The following KIAA1210 variants were observed in gnomAD, a reference collection of about 807,000 sequenced individuals.
The protein encoded by KIAA1210 is acrosomal protein KIAA1210.
A neutral mutation model predicts 78.9 loss-of-function variants in KIAA1210; 48 were observed. The ratio of observed to expected loss-of-function variants is 0.61; its 90% CI spans 0.48 to 0.77. The LOEUF (loss-of-function observed/expected upper bound fraction) is 0.77, where lower values mean the gene tolerates loss of function less well. Ranked by LOEUF, KIAA1210 falls within the 30% of genes least tolerant of loss-of-function variation. KIAA1210 has a pLI of 0.00. For missense variants in KIAA1210, 1,108 were observed against 1,100.0 expected, an observed-to-expected ratio of 1.01 and a Z score of -0.10; for synonymous variants, 406 against 404.5, an observed-to-expected ratio of 1.00 and a Z score of -0.04.
intron 2 of KIAA1210, among the ~76,000 whole-genome samples, chrX:119,137,852 A>C (rs1928951019): frequency 8.9e-6 from 1 of 112,036 alleles, no homozygotes. Flanking sequence ...TGGAACAAAA[A>C]GCTGGAGTGT....
At chrX:119,085,886 C>G (rs1363616021) in intron 9 of KIAA1210, among the ~76,000 whole-genome samples, 1 of 112,898 alleles carries the variant, frequency 8.9e-6, no homozygotes, top group Admixed American at 9.3e-5. Context: ...ATTCCTCTAA[C>G]TCCTAGAAAA....
chrX:119,101,506 G>A (rs953592765), intron 6 of KIAA1210, among the ~76,000 whole-genome samples: 15 of 111,120 alleles, frequency 1.3e-4, no homozygotes, highest in African/African-American at 4.9e-4. Context: ...ACTCTTGGTG[G>A]GAAATGTGGT....
intron 1 of KIAA1210, among the ~76,000 whole-genome samples, chrX:119,124,141 C>T (rs1467337519): frequency 8.9e-6 from 1 of 111,872 alleles, no homozygotes; most frequent in Non-Finnish European, 1.9e-5. Flanking sequence ...GGACTACAGG[C>T]GCATGCCACA....
chrX:119,138,670 A>C (rs949581800), intron 2 of KIAA1210, among the ~76,000 whole-genome samples: 3 of 111,874 alleles, frequency 2.7e-5, no homozygotes, highest in Non-Finnish European at 3.8e-5. Context: ...AGGAAGGAGT[A>C]AATGATGTGC....
intron 7 of KIAA1210, among the ~76,000 whole-genome samples, chrX:119,095,524 G>A (rs1927523845): frequency 9.0e-6 from 1 of 111,299 alleles, no homozygotes; most frequent in South Asian, 3.8e-4. Context: ...GAGTAGCTGG[G>A]ATTACAGGGA....
In KIAA1210 at chrX:119,088,837, T is replaced by C; in HGVS notation, c.1865A>G (p.His622Arg). 8.3e-7 allele frequency: 1 copy of C among 1,211,556 alleles called. No homozygotes were observed. The highest frequency in any genetic ancestry group is 1.1e-6 in the Non-Finnish European group (1 of 895,297). The change falls in exon 9 of 12, where the codon CAT becomes CGT. Residue 622 changes from histidine (H) to arginine (R), a missense_variant. By Grantham distance (29) the His-to-Arg change is conservative. Around this residue, in one of 5 missense-constraint regions of KIAA1210, gnomAD observed 672 missense variants for 607.1 expected, o/e 1.11. Coordinates refer to ENST00000691062, the MANE Select transcript of KIAA1210 (RefSeq NM_001394962.1). ...CCCCAAGGACTGGGAAGAGTGACCA[T>C]GAGCCAGTTCTTCAGAACCATCCCC... ...EEGDGSEELA[H>R]GHSSQSLGKF...
rs1480617212 is a variant in KIAA1210, at chrX:119,083,350, T to C, written c.4321-230A>G. ...CCTAAGCTGGCTCAAGTTTACCACCTTTCAGACCAGAAAGAAAGAGCTGTC... is the reference window on the plus strand; with the variant it reads ...CCTAAGCTGGCTCAAGTTTACCACCCTTCAGACCAGAAAGAAAGAGCTGTC... On this transcript the variant is annotated intron_variant, in intron 10 of 11. Coordinates refer to ENST00000691062, the MANE Select transcript of KIAA1210 (RefSeq NM_001394962.1). 2.7e-5 allele frequency among the ~76,000 whole-genome samples: 3 copies of C among 111,709 alleles called. No homozygotes were observed. In the East Asian group the frequency reaches 8.3e-4, roughly 31 times the overall value.
intron 7 of KIAA1210, 83 bp downstream of exon 7, chrX:119,096,411 A>G: frequency 2.2e-6 from 2 of 893,242 alleles, no homozygotes; most frequent in Non-Finnish European, 3.1e-6. Context: ...ACACCATACT[A>G]TTTCCCTAGT....
At position 119,088,841 on chromosome X, in the gene KIAA1210, C is replaced by G. The variant is rs777797862; in HGVS notation, c.1861G>C (p.Ala621Pro). ...PEEGDGSEEL[A>P]HGHSSQSLGK... is the part of the protein sequence containing the mutation. ...AAGGACTGGGAAGAGTGACCATGAGCCAGTTCTTCAGAACCATCCCCCTCC... is the reference window on the plus strand; with the variant it reads ...AAGGACTGGGAAGAGTGACCATGAGGCAGTTCTTCAGAACCATCCCCCTCC... Residue 621 changes from alanine (A) to proline (P), a missense_variant, in exon 9 of 12, where the codon GCT becomes CCT. Ala to Pro is a conservative substitution (Grantham distance 27, BLOSUM62 -1). Transcript: ENST00000691062. The G allele has an allele frequency of 3.3e-6, 4 of 1,211,293 alleles. No homozygotes were observed. In the South Asian group the frequency reaches 7.0e-5, roughly 21 times the overall value.
Position 119,102,345 on chromosome X carries a change from T to C in KIAA1210, c.648+2647A>G, listed in dbSNP as rs766938209. On this transcript the variant is annotated intron_variant, in intron 6 of 11. Coordinates refer to ENST00000691062, the MANE Select transcript of KIAA1210 (RefSeq NM_001394962.1). ...GAGGGAGCATTATGTTCTCCTTTGA[T>C]GTATTAGCGGATTTTAAAACTAAAA... Among the ~76,000 whole-genome samples, 218 of 112,398 alleles carry C rather than the reference T, an allele frequency of 1.9e-3. 1 individual carries two copies. Among genetic ancestry groups the C allele is most frequent in the African/African-American group, 6.9e-3 (214 of 30,970 alleles).
chrX:119,086,069 T>C (rs779321018), intron 9 of KIAA1210, among the ~76,000 whole-genome samples: 1 of 112,782 alleles, frequency 8.9e-6, no homozygotes, highest in South Asian at 3.7e-4. Context: ...ATCGCCTAGC[T>C]CTAAATTCTT....
At chrX:119,097,370 T>A (rs921487393) in intron 6 of KIAA1210, among the ~76,000 whole-genome samples, 2 of 110,884 alleles carry the variant, frequency 1.8e-5, no homozygotes, top group African/African-American at 6.6e-5. Flanking sequence ...CTCTGTAGGA[T>A]CTTCAAAATA....
chrX:119,141,028 T>C (rs757280709), intron 2 of KIAA1210, among the ~76,000 whole-genome samples: 12 of 112,613 alleles, frequency 1.1e-4, no homozygotes, highest in Admixed American at 9.4e-4. Context: ...CCTTTGTTAA[T>C]ATGCTTGATG....
chrX:119,119,654 G>T (rs190323224), intron 2 of KIAA1210, among the ~76,000 whole-genome samples: 12 of 111,549 alleles, frequency 1.1e-4, no homozygotes, highest in African/African-American at 3.9e-4. Context: ...AGACCAGCCT[G>T]ATCAACATAG....
At chrX:119,136,556 G>GGTGCAA (rs1278493890) in intron 2 of KIAA1210, among the ~76,000 whole-genome samples, 3 of 111,713 alleles carry the variant, frequency 2.7e-5, no homozygotes, top group Non-Finnish European at 3.8e-5. Context: ...GCCAGGTGCA[G>GGTGCAA]TGGCTCATGC....
chrX:119,128,016 GCT>G (rs1218225471), upstream of KIAA1210, among the ~76,000 whole-genome samples: 1 of 111,224 alleles, frequency 9.0e-6, no homozygotes, highest in Non-Finnish European at 1.9e-5. Context: ...GCACTGCAGG[GCT>G]CTGTCCTTGG....
intron 2 of KIAA1210, among the ~76,000 whole-genome samples, chrX:119,135,594 G>A (rs757514712): frequency 8.9e-6 from 1 of 111,744 alleles, no homozygotes; most frequent in South Asian, 3.8e-4. Flanking sequence ...CAAGAGCTCT[G>A]CCCCCAAATG....
chrX:119,136,771 G>A (rs942089983), intron 2 of KIAA1210, among the ~76,000 whole-genome samples: 7 of 112,335 alleles, frequency 6.2e-5, no homozygotes. Context: ...GGTGACATCT[G>A]AGAATTTAGG....
Position 119,088,413 on chromosome X carries a change from G to A in KIAA1210, c.2289C>T (p.Ser763=), listed in dbSNP as rs766310249. The A allele has an allele frequency of 9.9e-6, 12 of 1,209,232 alleles. No individual in the cohort carries two copies. Among genetic ancestry groups the A allele is most frequent in the African/African-American group, 5.3e-5 (3 of 57,039 alleles). ...TSSVGTSIKQ[S]DSVEPIPPRH... ...TTGGAGGGATTGGCTCCACGGAATCGCTCTGTTTTATAGAAGTGCCCACTG... is the reference window on the plus strand; with the variant it reads ...TTGGAGGGATTGGCTCCACGGAATCACTCTGTTTTATAGAAGTGCCCACTG... The change falls in exon 9 of 12, where the codon AGC becomes AGT. Residue 763 remains serine, a synonymous_variant. Coordinates refer to ENST00000691062, the MANE Select transcript of KIAA1210 (RefSeq NM_001394962.1).
Sources: gnomAD v4.1 joint callset for allele counts (sites outside exome capture counted in the v4.1 genomes callset) on GRCh38, gnomAD v4.1.1 for gene constraint, gnomAD v4.1.1 regional missense constraint, MANE v1.5 for transcripts, NCBI Gene and HGNC (gene_info 2026-07-23, HGNC 2026-07-21) for gene names.